DLG2: variants seen among roughly 807,000 people sequenced by gnomAD.
DLG2 encodes discs large MAGUK scaffold protein 2.
Under a neutral mutation model 132.5 loss-of-function variants are expected in DLG2, and 45 were observed. That is an observed-to-expected ratio of 0.34 (90% CI 0.27 to 0.44). DLG2 has a LOEUF of 0.44. Ranked by LOEUF, DLG2 falls within the 20% of genes least tolerant of loss-of-function variation. DLG2 has a pLI of 1.00. For missense variants in DLG2, 1,045 were observed against 1,196.9 expected, an observed-to-expected ratio of 0.87 and a Z score of 1.87; for synonymous variants, 424 against 419.6, an observed-to-expected ratio of 1.01 and a Z score of -0.13.
At chr11:85,427,965 G>A (rs1597253748) in intron 3 of DLG2, among the ~76,000 whole-genome samples, 1 of 152,274 alleles carries the variant, frequency 6.6e-6, no homozygotes, top group East Asian at 1.9e-4. Context: ...AAAAAAGGCA[G>A]AGGTTGCAAT....
At chr11:83,592,197 C>T (rs1315185611) in intron 19 of DLG2, among the ~76,000 whole-genome samples, 4 of 150,698 alleles carry the variant, frequency 2.7e-5, no homozygotes, top group African/African-American at 7.3e-5. Flanking sequence ...CAATCCTAAG[C>T]CAAAAGAACA....
At chr11:83,594,816 A>G (rs755475432) in intron 19 of DLG2, among the ~76,000 whole-genome samples, 9 of 152,222 alleles carry the variant, frequency 5.9e-5, no homozygotes, top group Non-Finnish European at 1.3e-4. Flanking sequence ...AGCAAAAGCA[A>G]GTGGGCTCCC....
intron 6 of DLG2, among the ~76,000 whole-genome samples, chr11:85,081,096 C>T (rs1314164154): frequency 1.3e-5 from 2 of 152,036 alleles, no homozygotes; most frequent in East Asian, 1.9e-4. Flanking sequence ...TTTGATAAAA[C>T]ATTAAAGCTT....
rs191073541 is a variant in DLG2, at chr11:83,660,254, T to C, written c.1826-26929A>G. 2.6e-5 allele frequency among the ~76,000 whole-genome samples: 4 copies of C among 152,296 alleles called. No individual in the cohort carries two copies. In the East Asian group the frequency reaches 7.7e-4, roughly 29 times the overall value. Reference sequence around the variant, plus strand: ...AATACACAGAAACAATAACATGTAATAACATGTAATCTGAAAGATTCTGTG... The same window carrying C: ...AATACACAGAAACAATAACATGTAACAACATGTAATCTGAAAGATTCTGTG... On this transcript the variant is annotated intron_variant, in intron 18 of 27. Transcript: ENST00000376104.
At chr11:85,124,263 A>T (rs1186168225) in intron 5 of DLG2, among the ~76,000 whole-genome samples, 1 of 152,248 alleles carries the variant, frequency 6.6e-6, no homozygotes. Flanking sequence ...TTGCTTAAGT[A>T]TTTATGTGAC....
At chr11:84,546,658 C>T in intron 6 of DLG2, 1 of 532,866 alleles carries the variant, frequency 1.9e-6, no homozygotes, top group East Asian at 4.8e-5. Flanking sequence ...TCCACAGTGG[C>T]ATATGTGACA....
chr11:85,377,784 CAT>C lies in DLG2; in HGVS notation c.41-92421_41-92420del, dbSNP rs35941912. Among the ~76,000 whole-genome samples, 972 of 130,254 alleles carry C rather than the reference CAT, an allele frequency of 7.5e-3. 9 individuals carry two copies. The highest frequency in any genetic ancestry group is 0.016 in the East Asian group (73 of 4,552). The allele number at this position is 130,254 out of a possible 152,430, so 85.5% of individuals were successfully genotyped here. ...GCTAAGTGCAATTTGTGTGTGTATACATATATATATATATATATATGTGTGTG... is the reference window on the plus strand; with the variant it reads ...GCTAAGTGCAATTTGTGTGTGTATACATATATATATATATATATGTGTGTG... On this transcript the variant is annotated intron_variant, in intron 3 of 27. Transcript: ENST00000376104.
intron 7 of DLG2, among the ~76,000 whole-genome samples, chr11:84,289,945 G>A (rs1024159459): frequency 6.6e-6 from 1 of 152,050 alleles, no homozygotes; most frequent in Non-Finnish European, 1.5e-5. Context: ...ATATAGTAAT[G>A]CATTACATAA....
At chr11:85,055,760 A>C (rs1318411454) in intron 6 of DLG2, among the ~76,000 whole-genome samples, 2 of 152,172 alleles carry the variant, frequency 1.3e-5, no homozygotes, top group Non-Finnish European at 2.9e-5. Context: ...AACTTTCAAC[A>C]ATCACACGAT....
intron 5 of DLG2, among the ~76,000 whole-genome samples, chr11:85,113,847 C>T (rs2073151171): frequency 1.3e-5 from 2 of 151,880 alleles, no homozygotes; most frequent in Non-Finnish European, 2.9e-5. Context: ...GTTTTATCTA[C>T]CAAAGTGGTA....
intron 19 of DLG2, among the ~76,000 whole-genome samples, chr11:83,585,253 TGGTTAA>T (rs2097061913): frequency 6.6e-6 from 1 of 152,190 alleles, no homozygotes; most frequent in African/African-American, 2.4e-5. Flanking sequence ...AAAATAGTAG[TGGTTAA>T]GATCAGTTCC....
intron 3 of DLG2, among the ~76,000 whole-genome samples, chr11:85,319,640 C>T (rs539016290): frequency 2.3e-4 from 35 of 151,894 alleles, no homozygotes; most frequent in East Asian, 1.2e-3. Context: ...AGAAATGGAA[C>T]GCAGTGTCTG....
chr11:83,804,964 A>G (rs188172654), intron 17 of DLG2, among the ~76,000 whole-genome samples: 102 of 152,194 alleles, frequency 6.7e-4, no homozygotes, highest in Non-Finnish European at 1.0e-3. Flanking sequence ...AAATAATTTC[A>G]GTCAGATGCT....
intron 15 of DLG2, among the ~76,000 whole-genome samples, chr11:83,885,473 T>G (rs958290070): frequency 1.3e-5 from 2 of 152,210 alleles, no homozygotes; most frequent in Non-Finnish European, 1.5e-5. Flanking sequence ...TACATCTGAT[T>G]GGTGTACCTG....
rs79725403 is a variant in DLG2 at position 84,966,929 on chromosome 11, A to G, written c.357+144732T>C. On this transcript the variant is annotated intron_variant, in intron 6 of 27. Transcript: ENST00000376104. ...AAGAGACTGGAAATCCAGTAATTAA[A>G]CTGAGGGAAATAGAAAAATAGAAGC... Among the ~76,000 whole-genome samples, 702 of 152,162 alleles carry G rather than the reference A, an allele frequency of 4.6e-3. 6 individuals are homozygous for G. Among genetic ancestry groups the G allele is most frequent in the East Asian group, 0.014 (75 of 5,180 alleles).
intron 6 of DLG2, among the ~76,000 whole-genome samples, chr11:84,863,675 G>A (rs147357468): frequency 6.6e-6 from 1 of 152,154 alleles, no homozygotes; most frequent in Non-Finnish European, 1.5e-5. Context: ...CAAGGAAGGA[G>A]CTTAGACTCT....
chr11:83,513,660 A>G (rs935881382), intron 21 of DLG2, among the ~76,000 whole-genome samples: 3 of 152,150 alleles, frequency 2.0e-5, no homozygotes. Flanking sequence ...TTATGGTTTT[A>G]GATCTAACAT....
At chr11:83,844,935 T>C (rs1565310857) in intron 16 of DLG2, among the ~76,000 whole-genome samples, 1 of 152,188 alleles carries the variant, frequency 6.6e-6, no homozygotes, top group South Asian at 2.1e-4. Context: ...GTGTTTTTCC[T>C]ATTGAGAGCA....
chr11:84,923,625 T>C, intron 6 of DLG2: 1 of 987,484 alleles, frequency 1.0e-6, no homozygotes, highest in Non-Finnish European at 1.2e-6. Context: ...AGGTTTAATA[T>C]GAGCTCTGCA....
Sources: gnomAD v4.1 joint callset for allele counts (sites outside exome capture counted in the v4.1 genomes callset) on GRCh38, gnomAD v4.1.1 for gene constraint, MANE v1.5 for transcripts, NCBI Gene and HGNC (gene_info 2026-07-23, HGNC 2026-07-21) for gene names.